Variants in FRMPD4 observed in about 807,000 individuals in gnomAD.
The protein encoded by FRMPD4 is FERM and PDZ domain containing 4.
A neutral mutation model predicts 94.1 loss-of-function variants in FRMPD4; 22 were observed. The ratio of observed to expected loss-of-function variants is 0.23; its 90% CI spans 0.17 to 0.33. The LOEUF (loss-of-function observed/expected upper bound fraction) is 0.33. FRMPD4 is among the 10% of genes least tolerant of loss of function. The pLI is 1.00. For synonymous variants in FRMPD4, 631 were observed against 548.6 expected (o/e 1.15, Z -2.10); for missense variants, 1,111 against 1,339.9 (o/e 0.83, Z 2.67).
At chrX:12,637,115 C>T (rs2059449908) in intron 4 of FRMPD4, among the ~76,000 whole-genome samples, 1 of 112,172 alleles carries the variant, frequency 8.9e-6, no homozygotes, top group African/African-American at 3.2e-5. Context: ...ACATCATGAG[C>T]TCATACTGAT....
chrX:12,575,755 C>T (rs1050726873), intron 2 of FRMPD4, among the ~76,000 whole-genome samples: 4 of 111,130 alleles, frequency 3.6e-5, no homozygotes, highest in African/African-American at 1.3e-4. Context: ...AGAGTCAGAG[C>T]GATATGAGGT....
intron 1 of FRMPD4, among the ~76,000 whole-genome samples, chrX:12,411,666 C>T (rs983210428): frequency 5.4e-5 from 6 of 111,846 alleles, no homozygotes; most frequent in East Asian, 5.6e-4. Context: ...TTGTAAAAGA[C>T]GAATGCAGAG....
chrX:12,043,228 G>A (rs987204936), intron 3 of FRMPD4, among the ~76,000 whole-genome samples: 35 of 111,663 alleles, frequency 3.1e-4, no homozygotes, highest in African/African-American at 9.8e-4. Flanking sequence ...CCTATGAACC[G>A]TAAGGATTTT....
chrX:12,407,819 A>G (rs1409982566), intron 1 of FRMPD4, among the ~76,000 whole-genome samples: 1 of 111,834 alleles, frequency 8.9e-6, no homozygotes, highest in African/African-American at 3.3e-5. Context: ...TTTTTTGTAA[A>G]TATGAGCAGC....
chrX:12,572,142 G>A (rs2058766283), intron 2 of FRMPD4, among the ~76,000 whole-genome samples: 1 of 112,287 alleles, frequency 8.9e-6, no homozygotes. Context: ...CGCTTTGGGA[G>A]GTTTGCAGTA....
chrX:12,435,359 T>C lies in FRMPD4; in HGVS notation c.42-63321T>C, dbSNP rs2057053950. On this transcript the variant is annotated intron_variant, in intron 1 of 16. Coordinates refer to ENST00000675598, the MANE Select transcript of FRMPD4 (RefSeq NM_001368397.1). ...AGCACAATATTGAATATCTATTGTA[T>C]ATTCAATATATACTGTATATTCAGT... 3.6e-5 allele frequency among the ~76,000 whole-genome samples: 4 copies of C among 111,927 alleles called. No homozygotes were observed. The Admixed American group carries it at 3.8e-4, about 11-fold the overall frequency.
At chrX:12,706,777 G>T in intron 11 of FRMPD4, 49 bp from the exon 12 acceptor site, 1 of 639,922 alleles carries the variant, frequency 1.6e-6, no homozygotes, top group Non-Finnish European at 2.5e-6. Context: ...AGCTGAAATG[G>T]AGTCATACCC....
At chrX:12,148,428 G>A (rs1490249395) in intron 1 of FRMPD4, among the ~76,000 whole-genome samples, 2 of 112,483 alleles carry the variant, frequency 1.8e-5, no homozygotes, top group Non-Finnish European at 3.8e-5. Context: ...TAAATTCTGC[G>A]AAGGCTGAGA....
chrX:12,029,536 T>C (rs1270701989), intron 3 of FRMPD4, among the ~76,000 whole-genome samples: 2 of 111,973 alleles, frequency 1.8e-5, no homozygotes, highest in Non-Finnish European at 3.8e-5. Flanking sequence ...TAAGAAGTCA[T>C]TGTTAAGCCC....
chrX:11,996,724 T>G (rs771719719), intron 3 of FRMPD4, among the ~76,000 whole-genome samples: 12 of 112,102 alleles, frequency 1.1e-4, no homozygotes, highest in African/African-American at 3.6e-4. Context: ...AAATATCTAT[T>G]ACCTATTATG....
At chrX:11,852,595 A>G (rs935092918) in intron 1 of FRMPD4, among the ~76,000 whole-genome samples, 3 of 111,866 alleles carry the variant, frequency 2.7e-5, no homozygotes, top group East Asian at 2.8e-4. Context: ...CTTACTATGC[A>G]GGGGTTACAA....
chrX:12,646,242 T>C (rs2059546691), intron 4 of FRMPD4, among the ~76,000 whole-genome samples: 1 of 112,055 alleles, frequency 8.9e-6, no homozygotes, highest in African/African-American at 3.2e-5. Context: ...CTTTTTTATA[T>C]AGCCAGCCCA....
At chrX:12,605,914 C>T (rs1045317795) in intron 2 of FRMPD4, among the ~76,000 whole-genome samples, 2 of 111,878 alleles carry the variant, frequency 1.8e-5, no homozygotes, top group Non-Finnish European at 3.8e-5. Context: ...TCTTCTTTGT[C>T]GCTGAACACT....
chrX:12,517,601 G>A (rs2058114418), intron 2 of FRMPD4, among the ~76,000 whole-genome samples: 2 of 112,435 alleles, frequency 1.8e-5, no homozygotes, highest in African/African-American at 6.5e-5. Context: ...CTGTCCCAGA[G>A]GGGCACCAAC....
chrX:12,648,246 C>A (rs1235206296), intron 4 of FRMPD4, among the ~76,000 whole-genome samples: 1 of 111,819 alleles, frequency 8.9e-6, no homozygotes, highest in Admixed American at 9.5e-5. Flanking sequence ...TTCTCTCACC[C>A]AAAAGCCACT....
intron 1 of FRMPD4, among the ~76,000 whole-genome samples, chrX:12,414,136 T>C (rs1416192320): frequency 8.9e-6 from 1 of 112,634 alleles, no homozygotes; most frequent in East Asian, 2.8e-4. Flanking sequence ...AAGCACTTAG[T>C]GATCATTTAA....
At chrX:12,111,628 C>G (rs2055362667) in intron 3 of FRMPD4, among the ~76,000 whole-genome samples, 1 of 111,759 alleles carries the variant, frequency 8.9e-6, no homozygotes, top group Non-Finnish European at 1.9e-5. Context: ...TCAGAGTGAA[C>G]AGGCAACCTA....
intron 3 of FRMPD4, among the ~76,000 whole-genome samples, chrX:11,943,389 T>A (rs922622698): frequency 2.3e-4 from 26 of 111,490 alleles, no homozygotes; most frequent in African/African-American, 3.9e-4. Flanking sequence ...ACTTTTTTTT[T>A]AATTGTAAAT....
chrX:12,234,736 G>A (rs946694783), intron 1 of FRMPD4, among the ~76,000 whole-genome samples: 1 of 112,138 alleles, frequency 8.9e-6, no homozygotes, highest in African/African-American at 3.2e-5. Context: ...GTGGGACTGG[G>A]TGTTAGAAGA....
Sources: gnomAD v4.1 joint callset for allele counts (sites outside exome capture counted in the v4.1 genomes callset) on GRCh38, gnomAD v4.1.1 for gene constraint, MANE v1.5 for transcripts, NCBI Gene and HGNC (gene_info 2026-07-23, HGNC 2026-07-21) for gene names.